ZFAND3: variants seen among roughly 807,000 people sequenced by gnomAD.
ZFAND3 encodes the protein zinc finger AN1-type containing 3, also known as AN1-type zinc finger protein 3.
Under a neutral mutation model 29.6 loss-of-function variants are expected in ZFAND3, and 10 were observed. The ratio of observed to expected loss-of-function variants is 0.34; its 90% CI spans 0.21 to 0.57. The LOEUF is 0.57. Among genes scored for constraint, ZFAND3 ranks in the 20% least tolerant of loss-of-function variants. The pLI is 0.86. For synonymous variants in ZFAND3, 128 were observed against 112.6 expected, an observed-to-expected ratio of 1.14 and a Z score of -0.87; for missense variants, 230 against 304.5, an observed-to-expected ratio of 0.76 and a Z score of 1.82.
At chr6:38,064,375 A>G (rs970600279) in intron 3 of ZFAND3, among the ~76,000 whole-genome samples, 1 of 152,370 alleles carries the variant, frequency 6.6e-6, no homozygotes, top group African/African-American at 2.4e-5. Context: ...AATGAGGTAG[A>G]TAGTGTCATT....
chr6:38,085,511 T>C (rs1357578870), intron 4 of ZFAND3, among the ~76,000 whole-genome samples: 1 of 152,222 alleles, frequency 6.6e-6, no homozygotes, highest in Non-Finnish European at 1.5e-5. Flanking sequence ...GTGGAGAAAA[T>C]AGCAAAAGCT....
At chr6:38,118,119 A>G (rs1456895971) in intron 5 of ZFAND3, among the ~76,000 whole-genome samples, 1 of 152,198 alleles carries the variant, frequency 6.6e-6, no homozygotes, top group Admixed American at 6.5e-5. Context: ...AGGTGGTGGG[A>G]ATAGAGGCTG....
chr6:37,933,044 A>C (rs1761627356), intron 2 of ZFAND3, among the ~76,000 whole-genome samples: 1 of 152,222 alleles, frequency 6.6e-6, no homozygotes, highest in Non-Finnish European at 1.5e-5. Context: ...CTCAGTATGA[A>C]CATAAGGAGA....
chr6:37,941,205 T>A (rs1761804517), intron 2 of ZFAND3, among the ~76,000 whole-genome samples: 1 of 152,250 alleles, frequency 6.6e-6, no homozygotes, highest in African/African-American at 2.4e-5. Context: ...GACTTGGATC[T>A]AATCTCCACT....
At chr6:38,025,864 G>T (rs1376010129) in intron 2 of ZFAND3, among the ~76,000 whole-genome samples, 3 of 152,200 alleles carry the variant, frequency 2.0e-5, no homozygotes, top group Non-Finnish European at 4.4e-5. Flanking sequence ...AGAGCTGCCG[G>T]TGGGAGTTGT....
intron 1 of ZFAND3, among the ~76,000 whole-genome samples, chr6:37,872,257 T>C (rs952184911): frequency 6.6e-5 from 10 of 152,240 alleles, no homozygotes; most frequent in African/African-American, 2.4e-4. Context: ...CATTTTCCGG[T>C]GCAGACTCAC....
intron 2 of ZFAND3, among the ~76,000 whole-genome samples, chr6:37,980,060 G>A (rs1312998143): frequency 6.6e-6 from 1 of 152,036 alleles, no homozygotes; most frequent in Non-Finnish European, 1.5e-5. Context: ...TCCACTTCAT[G>A]TTCCCTTCTC....
intron 1 of ZFAND3, among the ~76,000 whole-genome samples, chr6:37,820,844 ATCAGCTCCTCTTCC>A (rs1013964125): frequency 2.0e-5 from 3 of 152,198 alleles, no homozygotes; most frequent in Admixed American, 6.5e-5. Flanking sequence ...GAGGTGGGAA[ATCAGCTCCTCTTCC>A]TCCCCCCATT....
chr6:38,052,465 T>C (rs981044744), intron 2 of ZFAND3, among the ~76,000 whole-genome samples: 1 of 152,192 alleles, frequency 6.6e-6, no homozygotes, highest in Admixed American at 6.5e-5. Flanking sequence ...TGTAAGAGAA[T>C]TAATATTTTT....
At chr6:38,147,956 A>G (rs1312522440) in intron 5 of ZFAND3, among the ~76,000 whole-genome samples, 1 of 145,256 alleles carries the variant, frequency 6.9e-6, no homozygotes, top group Non-Finnish European at 1.6e-5. Context: ...GAAGCTTTTA[A>G]TTTAGTTAAG....
At chr6:38,034,360 C>A (rs1038581656) in intron 2 of ZFAND3, among the ~76,000 whole-genome samples, 1 of 152,140 alleles carries the variant, frequency 6.6e-6, no homozygotes, top group Non-Finnish European at 1.5e-5. Flanking sequence ...TATACTGTTG[C>A]TAAACCTGCT....
intron 2 of ZFAND3, among the ~76,000 whole-genome samples, chr6:38,015,021 C>G (rs1481632912): frequency 3.3e-5 from 5 of 152,166 alleles, no homozygotes; most frequent in Non-Finnish European, 1.5e-5. Flanking sequence ...GATGACTAAA[C>G]CAAGACTGGT....
At chr6:38,002,035 T>A (rs765339902) in intron 2 of ZFAND3, among the ~76,000 whole-genome samples, 2 of 152,192 alleles carry the variant, frequency 1.3e-5, no homozygotes, top group Non-Finnish European at 2.9e-5. Context: ...GTGTGAACAT[T>A]TTAAATGCAG....
At chr6:37,853,412 G>GAAAA (rs56738009) in intron 1 of ZFAND3, among the ~76,000 whole-genome samples, 74 of 65,478 alleles carry the variant, frequency 1.1e-3, no homozygotes, top group African/African-American at 1.7e-3. Flanking sequence ...TGAGCCTCAA[G>GAAAA]AAAAAAAAAA....
At chr6:38,042,048 G>A (rs1018362117) in intron 2 of ZFAND3, among the ~76,000 whole-genome samples, 1 of 150,582 alleles carries the variant, frequency 6.6e-6, no homozygotes, top group Non-Finnish European at 1.5e-5. Flanking sequence ...TTGTTGACCA[G>A]TCTGGTCTTG....
At chr6:38,118,238 C>T (rs1039247280) in intron 5 of ZFAND3, among the ~76,000 whole-genome samples, 1 of 152,108 alleles carries the variant, frequency 6.6e-6, no homozygotes, top group African/African-American at 2.4e-5. Context: ...ATTTTAAATT[C>T]TTGGTGATGT....
intron 3 of ZFAND3, among the ~76,000 whole-genome samples, chr6:38,078,520 T>C (rs1200157054): frequency 2.0e-5 from 3 of 152,234 alleles, no homozygotes; most frequent in Non-Finnish European, 4.4e-5. Context: ...GATGATTGGC[T>C]AAAAGTTATT....
chr6:38,143,920 G>A (rs145094336), intron 5 of ZFAND3, among the ~76,000 whole-genome samples: 46 of 152,082 alleles, frequency 3.0e-4, no homozygotes, highest in African/African-American at 1.1e-3. Context: ...CTGTACCCTG[G>A]CCTGATGAAA....
At chr6:37,844,987 G>A (rs1432169584) in intron 1 of ZFAND3, among the ~76,000 whole-genome samples, 1 of 149,090 alleles carries the variant, frequency 6.7e-6, no homozygotes, top group African/African-American at 2.5e-5. Context: ...TCACGCTACT[G>A]CACTCCAGCC....
Sources: allele counts gnomAD v4.1 joint callset (sites outside exome capture counted in the v4.1 genomes callset), GRCh38; gene constraint gnomAD v4.1.1; transcripts MANE v1.5; gene names NCBI Gene and HGNC (gene_info 2026-07-23, HGNC 2026-07-21).